The following COL21A1 variants were observed in gnomAD, a reference collection of about 807,000 sequenced individuals.
COL21A1 encodes collagen type XXI alpha 1 chain.
A neutral mutation model predicts 137.9 loss-of-function variants in COL21A1; 149 were observed. That is an observed-to-expected ratio of 1.08 (90% confidence interval 0.95 to 1.24). The LOEUF is 1.24. Ranked by LOEUF, COL21A1 falls within the 50% of genes most tolerant of loss-of-function variation. The pLI, the probability that COL21A1 is intolerant of heterozygous loss-of-function variation, is 0.00. For synonymous variants in COL21A1, 456 were observed against 391.5 expected (o/e 1.16, Z -1.95); for missense variants, 1,167 against 1,158.4 (o/e 1.01, Z -0.11).
rs370308041 is a variant in COL21A1 at position 56,060,724 on chromosome 6, C to T, written c.2407+17G>A. 282 of 1,578,752 alleles carry T rather than the reference C, an allele frequency of 1.8e-4. 1 individual carries two copies. The highest frequency in any genetic ancestry group is 2.3e-4 in the Non-Finnish European group (269 of 1,165,160). On this transcript the variant is annotated intron_variant, in intron 27 of 29. Transcript: ENST00000244728. ...TAATTTGAGAAAAGTTATTAAAATG[C>T]TATATTTGATACCTACCTCTTATTA...
chr6:56,259,370 C>T (rs556135998), intron 1 of COL21A1, among the ~76,000 whole-genome samples: 2 of 152,306 alleles, frequency 1.3e-5, no homozygotes, highest in East Asian at 1.9e-4. Context: ...TCTCTGACTC[C>T]GCACCACTGG....
At chr6:56,364,436 C>G (rs751392161) in intron 1 of COL21A1, among the ~76,000 whole-genome samples, 1 of 152,218 alleles carries the variant, frequency 6.6e-6, no homozygotes, top group Non-Finnish European at 1.5e-5. Context: ...ATGCTGTTAA[C>G]AGATGAATAA....
chr6:56,187,740 AAG>A (rs35120170), intron 1 of COL21A1, among the ~76,000 whole-genome samples: 95,044 of 151,880 alleles, frequency 0.63, 30,044 homozygotes, highest in East Asian at 0.86. Flanking sequence ...GAAAAAACAT[AAG>A]AGAGTATCTT....
Position 56,098,604 on chromosome 6 carries a change from TAA to T in COL21A1, c.1812+2866_1812+2867del, listed in dbSNP as rs1260688469. On this transcript the variant is annotated intron_variant, in intron 17 of 29. Coordinates refer to ENST00000244728, the MANE Select transcript of COL21A1 (RefSeq NM_030820.4). ...ATATATAAATATATAAATATATATA[TAA>T]ATATATATAAATATATATAAATATA... 1.7e-3 allele frequency among the ~76,000 whole-genome samples: 20 copies of T among 12,090 alleles called. 3 individuals carry two copies. The highest frequency in any genetic ancestry group is 8.9e-3 in the African/African-American group (19 of 2,140). 7.9% of individuals were successfully genotyped at this position (12,090 alleles called of 152,430 possible).
chr6:56,077,980 T>A, intron 17 of COL21A1: 1 of 432,608 alleles, frequency 2.3e-6, no homozygotes, highest in Non-Finnish European at 4.6e-6. Flanking sequence ...GTCACCACCT[T>A]AGTTAAAAAT....
chr6:56,146,855 G>A (rs1267906004), intron 10 of COL21A1, among the ~76,000 whole-genome samples: 2 of 152,066 alleles, frequency 1.3e-5, no homozygotes, highest in Non-Finnish European at 2.9e-5. Flanking sequence ...CTATAAATGA[G>A]ATTTAGCCTA....
chr6:56,297,109 C>T lies in COL21A1; in HGVS notation c.-39+96862G>A, dbSNP rs1375796133. On this transcript the variant is annotated intron_variant, in intron 1 of 28. Coordinates refer to the COL21A1 transcript ENST00000370819. The stretch of plus-strand genomic sequence containing the variant: ...TCTCCCATAGAGATACAATACTGAG[C>T]CCAAACATTTTTTAATTTTTAAAGG... Among the ~76,000 whole-genome samples the T allele has an allele frequency of 2.0e-5, 3 of 152,036 alleles. No individual in the cohort carries two copies. The South Asian group carries it at 6.2e-4, about 32-fold the overall frequency.
intron 1 of COL21A1, among the ~76,000 whole-genome samples, chr6:56,298,885 C>G (rs556753858): frequency 6.6e-6 from 1 of 152,212 alleles, no homozygotes; most frequent in African/African-American, 2.4e-5. Flanking sequence ...ACATCATCAT[C>G]CTCTTAGAGC....
chr6:56,164,836 A>G lies in COL21A1; in HGVS notation c.1279-14T>C, dbSNP rs778368069. The G allele has an allele frequency of 6.5e-7, 1 of 1,539,120 alleles. No individual in the cohort carries two copies. The highest frequency in any genetic ancestry group is 8.8e-7 in the Non-Finnish European group (1 of 1,132,206). On this transcript the variant is annotated splice_polypyrimidine_tract_variant and intron_variant, in intron 7 of 29. Coordinates refer to ENST00000244728, the MANE Select transcript of COL21A1 (RefSeq NM_030820.4). ...TACCTCTCCATTCTGAAAGAAAAAC[A>G]ACAAATGTGTTTTAAAATGTTTTAA...
At position 56,316,477 on chromosome 6, in the gene COL21A1, C is replaced by CTTTTTTTTTTTTT. The variant is rs60388494; in HGVS notation, c.-39+77481_-39+77493dup. 5.4e-4 allele frequency among the ~76,000 whole-genome samples: 41 copies of CTTTTTTTTTTTTT among 75,788 alleles called. 8 individuals carry two copies. The highest frequency in any genetic ancestry group is 7.0e-4 in the Admixed American group (3 of 4,272). 49.7% of individuals were successfully genotyped at this position (75,788 alleles called of 152,430 possible). A position where few individuals can be genotyped will look rare whatever the true frequency, so the allele number is the denominator to read the frequency against. On this transcript the variant is annotated intron_variant, in intron 1 of 28. Coordinates refer to the COL21A1 transcript ENST00000370819. The stretch of plus-strand genomic sequence containing the variant: ...CACACCTTTTAAAATTCTAAATAGA[C>CTTTTTTTTTTTTT]TTTTTTTTTTTTTTTTTTTTTTGAG...
At chr6:56,189,402 AAAGAC>A (rs1220026254) in intron 1 of COL21A1, among the ~76,000 whole-genome samples, 1 of 151,986 alleles carries the variant, frequency 6.6e-6, no homozygotes, top group Non-Finnish European at 1.5e-5. Context: ...AATAAAGTGA[AAAGAC>A]AAGATTAGAG....
chr6:56,314,699 T>C (rs1027367071), intron 1 of COL21A1, among the ~76,000 whole-genome samples: 1 of 152,194 alleles, frequency 6.6e-6, no homozygotes, highest in South Asian at 2.1e-4. Context: ...GCTCCAACTT[T>C]GGATTTCCTA....
intron 3 of COL21A1, 35 bp downstream of exon 3, chr6:56,179,543 G>A: frequency 6.7e-7 from 1 of 1,490,560 alleles, no homozygotes; most frequent in Non-Finnish European, 9.1e-7. Flanking sequence ...ATTATTAATT[G>A]CTTCCAAATT....
chr6:56,370,383 G>C (rs1404536583), intron 1 of COL21A1, among the ~76,000 whole-genome samples: 1 of 152,182 alleles, frequency 6.6e-6, no homozygotes, highest in Non-Finnish European at 1.5e-5. Context: ...TGTGAGATTT[G>C]TCAAATATAT....
intron 1 of COL21A1, among the ~76,000 whole-genome samples, chr6:56,322,939 GTT>G (rs927200543): frequency 1.6e-4 from 23 of 146,020 alleles, no homozygotes; most frequent in Admixed American, 1.1e-3. Flanking sequence ...AAATTTTCAA[GTT>G]TTTTTTATTA....
chr6:56,270,312 A>G (rs1763496831), intron 1 of COL21A1, among the ~76,000 whole-genome samples: 1 of 152,184 alleles, frequency 6.6e-6, no homozygotes. Flanking sequence ...ACAATTAATA[A>G]GGATAAAGAA....
At chr6:56,187,203 C>G (rs144721132) in intron 1 of COL21A1, among the ~76,000 whole-genome samples, 208 of 152,182 alleles carry the variant, frequency 1.4e-3, no homozygotes, top group Non-Finnish European at 2.5e-3. Flanking sequence ...GGTGAGGGGG[C>G]TCAGGAGAGA....
intron 17 of COL21A1, among the ~76,000 whole-genome samples, chr6:56,099,722 C>T (rs1325872039): frequency 6.6e-6 from 1 of 151,958 alleles, no homozygotes; most frequent in Admixed American, 6.6e-5. Context: ...GAAACAATAA[C>T]ATAAACAAAT....
At chr6:56,222,900 A>C (rs1780936045) in intron 1 of COL21A1, among the ~76,000 whole-genome samples, 1 of 152,138 alleles carries the variant, frequency 6.6e-6, no homozygotes, top group South Asian at 2.1e-4. Flanking sequence ...GAGTGGATTA[A>C]TCTATGTCCT....
Sources: allele counts gnomAD v4.1 joint callset (sites outside exome capture counted in the v4.1 genomes callset), GRCh38; gene constraint gnomAD v4.1.1; transcripts MANE v1.5; gene names NCBI Gene and HGNC (gene_info 2026-07-23, HGNC 2026-07-21).